The following GRIK1 variants were observed in gnomAD, a reference collection of about 807,000 sequenced individuals.
The protein encoded by GRIK1 is glutamate receptor ionotropic, kainate 1.
In GRIK1, 69 loss-of-function variants were observed where a neutral mutation model predicts 105.7. That is an observed-to-expected ratio of 0.65 (90% confidence interval 0.54 to 0.80). GRIK1 has a LOEUF of 0.80. Among genes scored for constraint, GRIK1 ranks in the 30% least tolerant of loss-of-function variants. GRIK1 has a pLI of 0.00. For missense variants in GRIK1, 1,109 were observed against 1,167.3 expected, an observed-to-expected ratio of 0.95 and a Z score of 0.73; for synonymous variants, 438 against 431.3, an observed-to-expected ratio of 1.02 and a Z score of -0.19.
chr21:29,814,003 C>T lies in GRIK1; in HGVS notation c.119-119940G>A, dbSNP rs913787125. 3.4e-5 allele frequency among the ~76,000 whole-genome samples: 5 copies of T among 148,972 alleles called. No homozygotes were observed. In the South Asian group the frequency reaches 1.1e-3, roughly 31 times the overall value. Reference sequence around the variant, plus strand: ...GATCTTGGCTCACTGCAACCTCTGCCTCCCAGGTTCAAGTGATTCTCCTGC... The same window carrying T: ...GATCTTGGCTCACTGCAACCTCTGCTTCCCAGGTTCAAGTGATTCTCCTGC... On this transcript the variant is annotated intron_variant, in intron 1 of 17. Transcript: ENST00000327783.
chr21:29,693,790 T>C (rs2063632738), intron 2 of GRIK1, 106 bp downstream of exon 2: 1 of 791,030 alleles, frequency 1.3e-6, no homozygotes, highest in Admixed American at 2.2e-5. Flanking sequence ...CGCGACCCAT[T>C]TGCACAAAGA....
At chr21:29,607,213 A>G (rs971287401) in intron 7 of GRIK1, among the ~76,000 whole-genome samples, 1 of 152,136 alleles carries the variant, frequency 6.6e-6, no homozygotes, top group African/African-American at 2.4e-5. Flanking sequence ...AGGGTGAGAG[A>G]TGACTGAAAA....
At chr21:29,815,857 A>G (rs1055712333) in intron 1 of GRIK1, among the ~76,000 whole-genome samples, 18 of 152,166 alleles carry the variant, frequency 1.2e-4, no homozygotes, top group Admixed American at 3.3e-4. Context: ...CTAGAAGAAA[A>G]CATAGAGGAA....
chr21:29,789,388 A>G (rs1474081717), intron 1 of GRIK1, among the ~76,000 whole-genome samples: 1 of 147,950 alleles, frequency 6.8e-6, no homozygotes, highest in African/African-American at 2.5e-5. Flanking sequence ...GGACCCTGAA[A>G]TTGACTCACT....
At position 29,714,187 on chromosome 21, in the gene GRIK1, G is replaced by GT. The variant is rs997222725; in HGVS notation, c.119-20125dup. Among the ~76,000 whole-genome samples, 438 of 149,704 alleles carry GT rather than the reference G, an allele frequency of 2.9e-3. 5 individuals carry two copies. Among genetic ancestry groups the GT allele is most frequent in the African/African-American group, 9.3e-3 (378 of 40,718 alleles). ...AATTTTTGCTCTATTATATTTTGTGGTTTTTTTTTCAGACAAGTGGGGTAC... is the reference window on the plus strand; with the variant it reads ...AATTTTTGCTCTATTATATTTTGTGGTTTTTTTTTTCAGACAAGTGGGGTAC... On this transcript the variant is annotated intron_variant, in intron 1 of 17. Coordinates refer to ENST00000327783, the MANE Select transcript of GRIK1 (RefSeq NM_001330994.2).
intron 1 of GRIK1, among the ~76,000 whole-genome samples, chr21:29,924,972 A>G (rs1470958076): frequency 6.6e-6 from 1 of 152,186 alleles, no homozygotes; most frequent in Admixed American, 6.5e-5. Flanking sequence ...AATGATGATG[A>G]GGTGACGTGC....
intron 16 of GRIK1, among the ~76,000 whole-genome samples, chr21:29,543,336 A>G (rs572093985): frequency 1.2e-4 from 19 of 152,210 alleles, no homozygotes; most frequent in Non-Finnish European, 2.6e-4. Context: ...AGACTTGTAC[A>G]GTCTGGTCAC....
At chr21:29,649,397 A>G (rs1409908221) in intron 6 of GRIK1, among the ~76,000 whole-genome samples, 1 of 152,118 alleles carries the variant, frequency 6.6e-6, no homozygotes, top group Non-Finnish European at 1.5e-5. Flanking sequence ...TATATAGTTA[A>G]TTATAATAAT....
chr21:29,863,968 T>C (rs1207589596), intron 1 of GRIK1, among the ~76,000 whole-genome samples: 1 of 152,174 alleles, frequency 6.6e-6, no homozygotes, highest in Non-Finnish European at 1.5e-5. Context: ...CATCCTCCTG[T>C]TCCAATAGGA....
intron 4 of GRIK1, among the ~76,000 whole-genome samples, chr21:29,668,448 G>A (rs1202674814): frequency 1.3e-5 from 2 of 152,148 alleles, no homozygotes; most frequent in East Asian, 3.9e-4. Context: ...ATGATGTGGG[G>A]AGAAAAGGCT....
intron 1 of GRIK1, among the ~76,000 whole-genome samples, chr21:29,873,867 C>A (rs1457520219): frequency 6.6e-6 from 1 of 152,180 alleles, no homozygotes; most frequent in Non-Finnish European, 1.5e-5. Context: ...TCGTGGAAGA[C>A]AATTTTTCCA....
intron 2 of GRIK1, among the ~76,000 whole-genome samples, chr21:29,690,826 T>C (rs1055813328): frequency 1.3e-5 from 2 of 152,258 alleles, no homozygotes; most frequent in African/African-American, 2.4e-5. Flanking sequence ...GCTCTGGGAT[T>C]CATCCTATCA....
At chr21:29,798,697 C>T (rs2066622031) in intron 1 of GRIK1, among the ~76,000 whole-genome samples, 1 of 152,190 alleles carries the variant, frequency 6.6e-6, no homozygotes, top group South Asian at 2.1e-4. Context: ...GTCCACTTTC[C>T]TCTCAATTCC....
At chr21:29,587,245 T>G (rs984813057) in intron 12 of GRIK1, 121 bp downstream of exon 12, 4 of 590,548 alleles carry the variant, frequency 6.8e-6, no homozygotes, top group Non-Finnish European at 9.1e-6. Flanking sequence ...CTTCCAAGAA[T>G]AGAACACTAG....
intron 15 of GRIK1, among the ~76,000 whole-genome samples, chr21:29,561,034 A>G (rs1443461376): frequency 6.6e-6 from 1 of 152,242 alleles, no homozygotes; most frequent in Admixed American, 6.5e-5. Context: ...GGGTCTATAT[A>G]CCTAGGCAAT....
At chr21:29,726,021 A>G (rs1226416274) in intron 1 of GRIK1, among the ~76,000 whole-genome samples, 1 of 152,164 alleles carries the variant, frequency 6.6e-6, no homozygotes, top group East Asian at 1.9e-4. Context: ...GGAAAGACAG[A>G]TAGTATTCAC....
chr21:29,836,806 A>G (rs146750371), intron 1 of GRIK1, among the ~76,000 whole-genome samples: 29 of 152,354 alleles, frequency 1.9e-4, no homozygotes, highest in African/African-American at 7.0e-4. Context: ...TTGATAGTGT[A>G]GAAGTATAAA....
chr21:29,553,118 G>T (rs947877466), intron 16 of GRIK1: 6 of 528,280 alleles, frequency 1.1e-5, no homozygotes, highest in Non-Finnish European at 1.2e-5. Flanking sequence ...TTGAAAATAC[G>T]CAGATCTACA....
chr21:29,865,071 C>T (rs150181577), intron 1 of GRIK1, among the ~76,000 whole-genome samples: 45 of 152,296 alleles, frequency 3.0e-4, no homozygotes, highest in African/African-American at 1.1e-3. Flanking sequence ...GAAGTAAGTT[C>T]CCTGCTGCAT....
Sources: allele counts gnomAD v4.1 joint callset (sites outside exome capture counted in the v4.1 genomes callset), GRCh38; gene constraint gnomAD v4.1.1; transcripts MANE v1.5; gene names NCBI Gene and HGNC (gene_info 2026-07-23, HGNC 2026-07-21).